ZRANB3: variants seen among roughly 807,000 people sequenced by gnomAD.
ZRANB3 encodes the protein zinc finger RANBP2-type containing 3, also known as DNA annealing helicase and endonuclease ZRANB3.
A neutral mutation model predicts 133.8 loss-of-function variants in ZRANB3; 125 were observed. The observed-to-expected ratio is 0.93, with a 90% CI of 0.81 to 1.08. The LOEUF (loss-of-function observed/expected upper bound fraction) is 1.08. ZRANB3 is among the 50% of genes least tolerant of loss of function. The probability of loss-of-function intolerance (pLI) is 0.00; values close to 1 mark genes in which losing one functional copy is unlikely to be tolerated. For synonymous variants in ZRANB3, 387 were observed against 432.7 expected, an observed-to-expected ratio of 0.89 and a Z score of 1.31; for missense variants, 1,229 against 1,275.5, an observed-to-expected ratio of 0.96 and a Z score of 0.56.
chr2:135,494,014 G>C (rs1056490682), intron 2 of ZRANB3, among the ~76,000 whole-genome samples: 1 of 151,826 alleles, frequency 6.6e-6, no homozygotes, highest in Non-Finnish European at 1.5e-5. Context: ...TTCCAAAACA[G>C]AGAAAACTAA....
rs1694913514 is a variant in ZRANB3, at chr2:135,229,765, C to G, written c.1954+748G>C. ...GTGTACTTCCAGTTTCCAAAACTGTCAACTTGGCATTTTTATTACTATAAA... is the reference window on the plus strand; with the variant it reads ...GTGTACTTCCAGTTTCCAAAACTGTGAACTTGGCATTTTTATTACTATAAA... On this transcript the variant is annotated intron_variant, in intron 13 of 20. Coordinates refer to ENST00000264159, the MANE Select transcript of ZRANB3 (RefSeq NM_032143.4). Among the ~76,000 whole-genome samples, 3 of 152,172 alleles carry G rather than the reference C, an allele frequency of 2.0e-5. No homozygotes were observed. In the South Asian group the frequency reaches 6.2e-4, roughly 32 times the overall value.
At chr2:135,471,249 T>C (rs533888924) in intron 2 of ZRANB3, among the ~76,000 whole-genome samples, 1 of 152,324 alleles carries the variant, frequency 6.6e-6, no homozygotes, top group South Asian at 2.1e-4. Flanking sequence ...TTTTCTAGTG[T>C]GGGTGTCCTG....
rs534699623 is a variant in ZRANB3, at chr2:135,268,966, C to T, written c.1382G>A (p.Arg461His). The change falls in exon 11 of 21, where the codon CGC (arginine) becomes CAC (histidine). Residue 461 changes from arginine (R) to histidine (H), a missense_variant. By Grantham distance (29) the Arg-to-His change is conservative (BLOSUM62 0). Transcript: ENST00000264159. ...LDTLMWGMLN[R>H]KAQVTGSTLN... is the part of the protein sequence containing the mutation. ...TGATTTAAATTCAAGCTTTACCTTG[C>T]GATTCAACATTCCCCACATAAGGGT... 13 of 1,600,174 alleles carry T rather than the reference C, an allele frequency of 8.1e-6. No homozygotes were observed. The highest frequency in any genetic ancestry group is 4.5e-5 in the South Asian group (4 of 88,406).
chr2:135,242,234 T>A (rs1695585049), intron 12 of ZRANB3, among the ~76,000 whole-genome samples: 1 of 150,832 alleles, frequency 6.6e-6, no homozygotes, highest in Non-Finnish European at 1.5e-5. Context: ...ATCATGGACA[T>A]GCAGGTGGAT....
chr2:135,207,481 TC>T lies in ZRANB3; in HGVS notation c.2961del (p.Lys988ArgfsTer14). 6.2e-7 allele frequency: 1 copy of T among 1,613,932 alleles called. No individual in the cohort carries two copies. The highest frequency in any genetic ancestry group is 1.1e-5 in the South Asian group (1 of 91,034). ...GTCCAGGTAGCATACAGAAGATTCT[TC>T]CTCTGACTTTTAGGGGCATCTCTCA... ...LRLRDAPKSQ[R>X]KNLLYATWTS... is the part of the protein sequence containing the mutation. On this transcript the variant is annotated frameshift_variant, in exon 19 of 21. Transcript: ENST00000264159. LOFTEE classifies it high-confidence loss of function.
intron 2 of ZRANB3, among the ~76,000 whole-genome samples, chr2:135,452,780 G>A (rs963283934): frequency 1.3e-5 from 2 of 152,214 alleles, no homozygotes; most frequent in Non-Finnish European, 2.9e-5. Context: ...GCAGGGTAGA[G>A]CCTCCCTCCT....
At chr2:135,315,921 T>C (rs1390359712) in intron 6 of ZRANB3, among the ~76,000 whole-genome samples, 1 of 152,200 alleles carries the variant, frequency 6.6e-6, no homozygotes, top group Non-Finnish European at 1.5e-5. Flanking sequence ...CAGCCAGTCA[T>C]TATAATAACC....
rs762516316 is a variant in ZRANB3, at chr2:135,313,484, A to G, written c.966+5T>C. ...ACAAATACATGATGGCCCAGCAAAG[A>G]GTACCTTGGCAATAGCAGTTTGTTT... On this transcript the variant is annotated splice_donor_5th_base_variant and intron_variant, in intron 8 of 20. Transcript: ENST00000264159. The G allele has an allele frequency of 6.3e-7, 1 of 1,577,628 alleles. No homozygotes were observed. The highest frequency in any genetic ancestry group is 1.7e-5 in the Admixed American group (1 of 59,042).
chr2:135,372,477 T>C (rs1686227007), intron 3 of ZRANB3, among the ~76,000 whole-genome samples: 1 of 152,064 alleles, frequency 6.6e-6, no homozygotes, highest in Non-Finnish European at 1.5e-5. Context: ...GTAGAAGGCA[T>C]GGATCTAATT....
At chr2:135,220,029 G>A (rs1249277701) in intron 15 of ZRANB3, among the ~76,000 whole-genome samples, 3 of 151,812 alleles carry the variant, frequency 2.0e-5, no homozygotes, top group Non-Finnish European at 2.9e-5. Context: ...GTTCCACCAC[G>A]CCTGGCTAAT....
chr2:135,428,962 GGA>G (rs1480256667), intron 2 of ZRANB3, among the ~76,000 whole-genome samples: 6 of 152,194 alleles, frequency 3.9e-5, no homozygotes, highest in Admixed American at 3.9e-4. Flanking sequence ...CAGCCACTGT[GGA>G]AAGCACTTTG....
chr2:135,501,504 T>C (rs1158225862), intron 2 of ZRANB3, among the ~76,000 whole-genome samples: 1 of 152,174 alleles, frequency 6.6e-6, no homozygotes, highest in African/African-American at 2.4e-5. Context: ...TAATCAACAT[T>C]AATCCAATAA....
intron 2 of ZRANB3, among the ~76,000 whole-genome samples, chr2:135,485,961 A>G (rs1423707471): frequency 6.6e-6 from 1 of 152,230 alleles, no homozygotes; most frequent in Non-Finnish European, 1.5e-5. Context: ...AATTTCATGT[A>G]TTAATACATA....
chr2:135,510,109 A>C (rs1014107825), intron 1 of ZRANB3, among the ~76,000 whole-genome samples: 5 of 152,310 alleles, frequency 3.3e-5, no homozygotes, highest in Non-Finnish European at 7.4e-5. Context: ...CTGCCTTCAA[A>C]ATGTTATCAA....
chr2:135,486,513 C>CTT (rs538563741), intron 2 of ZRANB3, among the ~76,000 whole-genome samples: 3 of 142,654 alleles, frequency 2.1e-5, no homozygotes, highest in South Asian at 2.2e-4. Flanking sequence ...CCACTGAAGT[C>CTT]TTTTTTTTTT....
chr2:135,289,698 T>G (rs1326675352), intron 8 of ZRANB3, among the ~76,000 whole-genome samples: 1 of 152,162 alleles, frequency 6.6e-6, no homozygotes, highest in Non-Finnish European at 1.5e-5. Flanking sequence ...AGGACCAAAG[T>G]TCAAGATCAG....
At chr2:135,244,104 C>CA (rs1415901979) in intron 12 of ZRANB3, among the ~76,000 whole-genome samples, 1 of 138,846 alleles carries the variant, frequency 7.2e-6, no homozygotes, top group East Asian at 2.1e-4. Context: ...TCCATTTCCC[C>CA]ACCAAAAAAA....
chr2:135,320,527 T>A (rs58839360), intron 6 of ZRANB3, among the ~76,000 whole-genome samples: 6,575 of 152,224 alleles, frequency 0.043, 479 homozygotes, highest in African/African-American at 0.15. Flanking sequence ...TTTTACAGAG[T>A]AAGTAAAAAT....
intron 20 of ZRANB3, among the ~76,000 whole-genome samples, chr2:135,201,993 C>G (rs950487339): frequency 2.4e-4 from 36 of 152,018 alleles, no homozygotes; most frequent in Non-Finnish European, 1.3e-4. Flanking sequence ...TAAGGAATGA[C>G]CTCAAAATGT....
Sources: gnomAD v4.1 joint callset for allele counts (sites outside exome capture counted in the v4.1 genomes callset) on GRCh38, gnomAD v4.1.1 for gene constraint, MANE v1.5 for transcripts, NCBI Gene and HGNC (gene_info 2026-07-23, HGNC 2026-07-21) for gene names.